Variants in SDK1 observed in about 807,000 individuals in gnomAD.
The protein encoded by SDK1 is sidekick cell adhesion molecule 1.
Under a neutral mutation model 245.5 loss-of-function variants are expected in SDK1, and 157 were observed. The ratio of observed to expected loss-of-function variants is 0.64; its 90% CI spans 0.56 to 0.73. The LOEUF is 0.73. Among genes scored for constraint, SDK1 ranks in the 30% least tolerant of loss-of-function variants. The pLI is 0.00. For missense variants in SDK1, 3,583 were observed against 3,002.3 expected (o/e 1.19, Z -4.52); for synonymous variants, 1,647 against 1,278.5 (o/e 1.29, Z -6.15).
chr7:4,144,115 A>AGGGGTGTGGGGGAAGGG (rs1779783720), intron 28 of SDK1, among the ~76,000 whole-genome samples: 1 of 55,718 alleles, frequency 1.8e-5, no homozygotes, highest in African/African-American at 7.2e-5. Flanking sequence ...CTCACTACAC[A>AGGGGTGTGGGGGAAGGG]GGGGTGTGGG....
At chr7:3,664,205 A>C (rs1783454373) in intron 4 of SDK1, among the ~76,000 whole-genome samples, 1 of 152,152 alleles carries the variant, frequency 6.6e-6, no homozygotes, top group Admixed American at 6.5e-5. Context: ...AAGGGAGTGT[A>C]AAGCATGAGG....
intron 1 of SDK1, among the ~76,000 whole-genome samples, chr7:3,581,238 T>C (rs1034447629): frequency 2.0e-5 from 3 of 152,160 alleles, no homozygotes; most frequent in Non-Finnish European, 1.5e-5. Flanking sequence ...CCAGTGTCTA[T>C]AAGGAACTTA....
chr7:3,733,175 T>G (rs1779228247), intron 4 of SDK1, among the ~76,000 whole-genome samples: 1 of 152,204 alleles, frequency 6.6e-6, no homozygotes, highest in Non-Finnish European at 1.5e-5. Flanking sequence ...GTGCAATGTC[T>G]TAAGTCTTTA....
At chr7:4,029,198 C>G (rs1472830376) in intron 17 of SDK1, among the ~76,000 whole-genome samples, 1 of 135,152 alleles carries the variant, frequency 7.4e-6, no homozygotes, top group East Asian at 2.0e-4. Context: ...GCTTGATTTT[C>G]TTTCTTTTAT....
At chr7:3,405,323 C>T (rs1340589974) in intron 1 of SDK1, among the ~76,000 whole-genome samples, 1 of 152,048 alleles carries the variant, frequency 6.6e-6, no homozygotes, top group Non-Finnish European at 1.5e-5. Flanking sequence ...AACTTAGACC[C>T]AATGTGTCCA....
At chr7:3,541,130 G>A (rs1043800516) in intron 1 of SDK1, among the ~76,000 whole-genome samples, 10 of 152,268 alleles carry the variant, frequency 6.6e-5, no homozygotes, top group African/African-American at 2.2e-4. Context: ...ATTCTGATTC[G>A]AAATTGAACA....
intron 5 of SDK1, among the ~76,000 whole-genome samples, chr7:3,850,352 G>T (rs1327564887): frequency 3.3e-5 from 5 of 152,156 alleles, no homozygotes; most frequent in African/African-American, 9.7e-5. Context: ...GGAGTAAGGG[G>T]TGACTTATTT....
chr7:3,897,557 T>C (rs1781644576), intron 5 of SDK1, among the ~76,000 whole-genome samples: 1 of 152,248 alleles, frequency 6.6e-6, no homozygotes, highest in Non-Finnish European at 1.5e-5. Flanking sequence ...TAAAATAATA[T>C]GACCTTATAT....
Position 3,799,500 on chromosome 7 carries a change from C to T in SDK1, c.714-21950C>T, listed in dbSNP as rs955912875. ...CAGGTGGATCACGAGGTCAGGAGAT[C>T]GAGACCATCCTGGCTAACATGGTGA... On this transcript the variant is annotated intron_variant, in intron 4 of 44. Coordinates refer to ENST00000404826, the MANE Select transcript of SDK1 (RefSeq NM_152744.4). Among the ~76,000 whole-genome samples, 8 of 151,660 alleles carry T rather than the reference C, an allele frequency of 5.3e-5. No individual in the cohort carries two copies. In the East Asian group the frequency reaches 1.4e-3, roughly 26 times the overall value.
At chr7:3,797,187 G>T (rs182016504) in intron 4 of SDK1, among the ~76,000 whole-genome samples, 2 of 151,710 alleles carry the variant, frequency 1.3e-5, no homozygotes, top group African/African-American at 4.8e-5. Flanking sequence ...TTAAATTTTC[G>T]TAGAGATGGG....
At chr7:4,075,242 G>C (rs1159117699) in intron 20 of SDK1, among the ~76,000 whole-genome samples, 1 of 152,092 alleles carries the variant, frequency 6.6e-6, no homozygotes, top group African/African-American at 2.4e-5. Flanking sequence ...CACTGCGTCC[G>C]CCCACACGGG....
At chr7:3,657,156 G>C (rs1783211931) in intron 4 of SDK1, among the ~76,000 whole-genome samples, 1 of 152,206 alleles carries the variant, frequency 6.6e-6, no homozygotes, top group African/African-American at 2.4e-5. Flanking sequence ...TGGAGGTCAA[G>C]AAGAGTCACA....
rs189191458 is a variant in SDK1 at position 3,417,231 on chromosome 7, G to C, written c.298+115347G>C. Among the ~76,000 whole-genome samples, 4 of 152,268 alleles carry C rather than the reference G, an allele frequency of 2.6e-5. No individual in the cohort carries two copies. The East Asian group carries it at 7.7e-4, about 29-fold the overall frequency. ...CCTACAGCTGCAGGCTGAGGTTCTA[G>C]TTTTGGCAATAAGCTAAAGTGTAAA... On this transcript the variant is annotated intron_variant, in intron 1 of 44. Transcript: ENST00000404826.
intron 5 of SDK1, among the ~76,000 whole-genome samples, chr7:3,869,013 G>A (rs907204145): frequency 1.3e-5 from 2 of 152,214 alleles, no homozygotes; most frequent in African/African-American, 2.4e-5. Context: ...TTTCTCATTC[G>A]GGAAAAACAA....
chr7:3,733,598 G>C (rs1385208495), intron 4 of SDK1, among the ~76,000 whole-genome samples: 1 of 152,090 alleles, frequency 6.6e-6, no homozygotes, highest in Non-Finnish European at 1.5e-5. Context: ...TTTACCTCTA[G>C]CCCGCGAGTT....
At chr7:3,915,663 G>T (rs1779348736) in intron 5 of SDK1, among the ~76,000 whole-genome samples, 1 of 152,014 alleles carries the variant, frequency 6.6e-6, no homozygotes, top group Non-Finnish European at 1.5e-5. Flanking sequence ...GTCTTTATTA[G>T]CAGCGTGAGA....
chr7:4,163,687 G>A (rs150962949), intron 32 of SDK1, among the ~76,000 whole-genome samples: 3 of 152,266 alleles, frequency 2.0e-5, no homozygotes, highest in South Asian at 2.1e-4. Context: ...AGTGAGCAGC[G>A]CCAGCCGCAG....
chr7:3,647,663 C>T (rs1247995113), intron 4 of SDK1, among the ~76,000 whole-genome samples: 1 of 152,068 alleles, frequency 6.6e-6, no homozygotes, highest in Non-Finnish European at 1.5e-5. Flanking sequence ...CTCCTGACTT[C>T]AGGCAATCCA....
At chr7:4,076,567 C>T (rs927743817) in intron 20 of SDK1, among the ~76,000 whole-genome samples, 4 of 152,122 alleles carry the variant, frequency 2.6e-5, no homozygotes, top group Non-Finnish European at 5.9e-5. Flanking sequence ...TAGATACATA[C>T]ATACATATAT....
Sources: gnomAD v4.1 joint callset for allele counts (sites outside exome capture counted in the v4.1 genomes callset) on GRCh38, gnomAD v4.1.1 for gene constraint, MANE v1.5 for transcripts, NCBI Gene and HGNC (gene_info 2026-07-23, HGNC 2026-07-21) for gene names.